Variants in MAD1L1 observed in about 807,000 individuals in gnomAD.
MAD1L1 encodes mitotic arrest deficient 1 like 1.
Under a neutral mutation model 96.9 loss-of-function variants are expected in MAD1L1, and 95 were observed. The observed-to-expected ratio is 0.98, with a 90% CI of 0.83 to 1.16. The LOEUF is 1.16. Among genes scored for constraint, MAD1L1 ranks in the 50% most tolerant of loss-of-function variants. The probability of loss-of-function intolerance (pLI) is 0.00; values close to 1 mark genes in which losing one functional copy is unlikely to be tolerated. For synonymous variants in MAD1L1, 473 were observed against 396.6 expected, an observed-to-expected ratio of 1.19 and a Z score of -2.29; for missense variants, 1,007 against 954.4, an observed-to-expected ratio of 1.06 and a Z score of -0.73.
At chr7:2,149,662 T>C (rs1024328731) in intron 10 of MAD1L1, among the ~76,000 whole-genome samples, 14 of 152,314 alleles carry the variant, frequency 9.2e-5, no homozygotes, top group African/African-American at 2.9e-4. Context: ...TCTCCAGGTG[T>C]AGCGCTTTCT....
In MAD1L1 at chr7:2,210,059, T is replaced by C. The variant is rs569509304; in HGVS notation, c.986+3153A>G. 7 of 152,332 alleles carry C rather than the reference T, an allele frequency of 4.6e-5. No individual in the cohort carries two copies. The East Asian group carries it at 1.4e-3, about 29-fold the overall frequency. 9.4% of individuals were successfully genotyped at this position (152,332 alleles called of 1,614,324 possible). On this transcript the variant is annotated intron_variant, in intron 10 of 18. Coordinates refer to ENST00000265854, the MANE Select transcript of MAD1L1 (RefSeq NM_001013836.2). ...CCTAAAAACAGAAAAGAAAGCCCAG[T>C]GCATCTCAGGTTTACCCAGAAATCC...
At position 1,967,898 on chromosome 7, in the gene MAD1L1, A is replaced by G. The variant is rs534248903; in HGVS notation, c.1506-10179T>C. ...GTGCGTGCACCAGATCAGAACACAG[A>G]GCACGCGGGAAACTCCCTCCAGTCC... On this transcript the variant is annotated intron_variant, in intron 15 of 18. Transcript: ENST00000265854. 2.7e-5 allele frequency among the ~76,000 whole-genome samples: 4 copies of G among 148,524 alleles called. No homozygotes were observed. The South Asian group carries it at 8.3e-4, about 31-fold the overall frequency.
At chr7:1,912,386 C>T (rs116593311) in intron 17 of MAD1L1, among the ~76,000 whole-genome samples, 2,239 of 152,332 alleles carry the variant, frequency 0.015, 49 homozygotes, top group African/African-American at 0.051. Context: ...GTGACTCCTC[C>T]TGTTTGGGTG....
At chr7:2,093,761 CG>C (rs1562680118) in intron 11 of MAD1L1, among the ~76,000 whole-genome samples, 1 of 152,140 alleles carries the variant, frequency 6.6e-6, no homozygotes, top group African/African-American at 2.4e-5. Flanking sequence ...GGGCAACGCA[CG>C]GGAGAGTCCA....
intron 12 of MAD1L1, among the ~76,000 whole-genome samples, chr7:2,027,348 T>G (rs1783036976): frequency 6.6e-6 from 1 of 152,188 alleles, no homozygotes; most frequent in Non-Finnish European, 1.5e-5. Flanking sequence ...CTTGCTAATA[T>G]TTTCTAAGGC....
At chr7:1,915,546 C>T (rs1025061783) in intron 17 of MAD1L1, among the ~76,000 whole-genome samples, 2 of 152,206 alleles carry the variant, frequency 1.3e-5, no homozygotes, top group Non-Finnish European at 2.9e-5. Context: ...GGCTGGAGGA[C>T]GCACGCTGCC....
chr7:2,148,359 C>CT (rs1422071687), intron 11 of MAD1L1: 1 of 153,204 alleles, frequency 6.5e-6, no homozygotes, highest in East Asian at 1.9e-4. Flanking sequence ...GCCCTTCCCT[C>CT]TGCCGCAAGC....
chr7:1,839,126 A>G (rs1196501165), intron 18 of MAD1L1, among the ~76,000 whole-genome samples: 1 of 152,152 alleles, frequency 6.6e-6, no homozygotes, highest in African/African-American at 2.4e-5. Flanking sequence ...TTAGAGCAAC[A>G]GGGAGGCCCT....
At chr7:2,042,048 CACAG>C (rs1313442060) in intron 12 of MAD1L1, among the ~76,000 whole-genome samples, 8 of 152,072 alleles carry the variant, frequency 5.3e-5, no homozygotes, top group Admixed American at 2.6e-4. Flanking sequence ...CGGACATGCA[CACAG>C]ACACACAGAT....
chr7:2,164,495 C>T (rs567678685), intron 10 of MAD1L1, among the ~76,000 whole-genome samples: 7 of 148,996 alleles, frequency 4.7e-5, no homozygotes, highest in Non-Finnish European at 2.9e-5. Flanking sequence ...CAGGGGCAGA[C>T]GGCATGCCTA....
chr7:2,059,397 G>C (rs1245727228), intron 12 of MAD1L1, among the ~76,000 whole-genome samples: 1 of 150,282 alleles, frequency 6.7e-6, no homozygotes, highest in Non-Finnish European at 1.5e-5. Flanking sequence ...AGCAGGGCTG[G>C]AGAGGGAATG....
chr7:2,125,458 G>A (rs562098828), intron 11 of MAD1L1, among the ~76,000 whole-genome samples: 10 of 152,280 alleles, frequency 6.6e-5, no homozygotes, highest in African/African-American at 2.4e-5. Flanking sequence ...CCTGGTGAGC[G>A]AGCTCCACCG....
In MAD1L1 at chr7:2,088,143, T is replaced by TG. The variant is rs1786021332; in HGVS notation, c.1074-18806dup. On this transcript the variant is annotated intron_variant, in intron 11 of 18. Coordinates refer to ENST00000265854, the MANE Select transcript of MAD1L1 (RefSeq NM_001013836.2). This position sits in a 1 kb window ranked among gnomAD's most constrained non-coding sequence, Gnocchi z 4.4. ...CACCCGCACAGGCTGAGTGGAAATA[T>TG]GGGGGCCCACGTGCATGGCCACAGA... Among the ~76,000 whole-genome samples the TG allele has an allele frequency of 6.6e-6, 1 of 152,082 alleles. No homozygotes were observed. The highest frequency in any genetic ancestry group is 2.4e-5 in the African/African-American group (1 of 41,408).
intron 11 of MAD1L1, among the ~76,000 whole-genome samples, chr7:2,113,405 C>T (rs1431873264): frequency 6.6e-6 from 1 of 152,082 alleles, no homozygotes; most frequent in East Asian, 1.9e-4. Flanking sequence ...CATGGCGAAA[C>T]CCCCTCTCTA....
At chr7:2,042,724 TGCCTTCTGC>T (rs1168936199) in intron 12 of MAD1L1, among the ~76,000 whole-genome samples, 10 of 152,224 alleles carry the variant, frequency 6.6e-5, no homozygotes, top group African/African-American at 1.2e-4. Flanking sequence ...GCCTGCTCCT[TGCCTTCTGC>T]CATGATCAGA....
intron 12 of MAD1L1, among the ~76,000 whole-genome samples, chr7:2,019,628 G>T (rs1423686372): frequency 1.3e-5 from 2 of 152,176 alleles, no homozygotes; most frequent in Non-Finnish European, 2.9e-5. Context: ...AGGGGTTGGG[G>T]GTGGGGGTCG....
At chr7:1,824,054 G>A (rs924839773) in intron 18 of MAD1L1, among the ~76,000 whole-genome samples, 1 of 152,164 alleles carries the variant, frequency 6.6e-6, no homozygotes, top group African/African-American at 2.4e-5. Flanking sequence ...TCCTGCAGCT[G>A]GGTCCTGACC....
chr7:1,986,353 ACGCCAG>A (rs1403582630), intron 14 of MAD1L1, among the ~76,000 whole-genome samples: 6 of 151,606 alleles, frequency 4.0e-5, no homozygotes, highest in Admixed American at 1.3e-4. Context: ...TTGGAACCAC[ACGCCAG>A]TCCAGCTTGG....
At chr7:1,851,170 G>A (rs1453064936) in intron 18 of MAD1L1, among the ~76,000 whole-genome samples, 1 of 152,182 alleles carries the variant, frequency 6.6e-6, no homozygotes, top group African/African-American at 2.4e-5. Flanking sequence ...GCAACCCTGT[G>A]GGGTGACCCA....
Sources: gnomAD v4.1 joint callset for allele counts (sites outside exome capture counted in the v4.1 genomes callset) on GRCh38, gnomAD v4.1.1 for gene constraint, Gnocchi (gnomAD v3.1) non-coding constraint, MANE v1.5 for transcripts, NCBI Gene and HGNC (gene_info 2026-07-23, HGNC 2026-07-21) for gene names.